Variants in EFCAB13 observed in about 807,000 individuals in gnomAD.
EFCAB13 encodes EF-hand calcium-binding domain-containing protein 13.
In EFCAB13, 91 loss-of-function variants were observed where a neutral mutation model predicts 110.2. That is an observed-to-expected ratio of 0.83 (90% CI 0.70 to 0.98). The LOEUF is 0.98. Ranked by LOEUF, EFCAB13 falls within the 50% of genes least tolerant of loss-of-function variation. The pLI is 0.00. For synonymous variants in EFCAB13, 323 were observed against 369.9 expected (o/e 0.87, Z 1.45); for missense variants, 968 against 1,119.4 (o/e 0.86, Z 1.93).
In EFCAB13 at chr17:47,389,822, A is replaced by G. The variant is rs550446884; in HGVS notation, c.1583-1615A>G. ...GCAAATGATTTTCCATTTTATCTCA[A>G]ATTTGCTTAAGGTGACTTGCTGTTT... On this transcript the variant is annotated intron_variant, in intron 14 of 24. Coordinates refer to ENST00000331493, the MANE Select transcript of EFCAB13 (RefSeq NM_152347.5). Among the ~76,000 whole-genome samples the G allele has an allele frequency of 5.3e-5, 8 of 152,198 alleles. No individual in the cohort carries two copies. In the East Asian group the frequency reaches 7.7e-4, roughly 15 times the overall value.
At chr17:47,347,548 C>T (rs550724363) in intron 8 of EFCAB13, among the ~76,000 whole-genome samples, 1 of 152,202 alleles carries the variant, frequency 6.6e-6, no homozygotes, top group African/African-American at 2.4e-5. Context: ...TTTACCATTC[C>T]TAGGGCAAGT....
chr17:47,435,079 A>T (rs780512410), intron 24 of EFCAB13, among the ~76,000 whole-genome samples: 1 of 152,130 alleles, frequency 6.6e-6, no homozygotes, highest in Non-Finnish European at 1.5e-5. Context: ...AAGCAAAAGA[A>T]ATAATCAGCA....
chr17:47,392,123 A>G (rs927461061), intron 15 of EFCAB13, among the ~76,000 whole-genome samples: 1 of 152,204 alleles, frequency 6.6e-6, no homozygotes, highest in African/African-American at 2.4e-5. Flanking sequence ...TAGAGATAGT[A>G]TATGAACATA....
In EFCAB13 at chr17:47,411,792, G is replaced by A. The variant is rs2065836700; in HGVS notation, c.2279-981G>A. On this transcript the variant is annotated intron_variant, in intron 21 of 24. Coordinates refer to ENST00000331493, the MANE Select transcript of EFCAB13 (RefSeq NM_152347.5). Reference sequence around the variant, plus strand: ...TTGAGGGAGAAATTGATTGAGAAATGGTACAGATGAAAAATTAGGCTGGGT... The same window carrying A: ...TTGAGGGAGAAATTGATTGAGAAATAGTACAGATGAAAAATTAGGCTGGGT... Among the ~76,000 whole-genome samples, 6 of 152,264 alleles carry A rather than the reference G, an allele frequency of 3.9e-5. No individual in the cohort carries two copies. In the East Asian group the frequency reaches 1.2e-3, roughly 29 times the overall value.
At chr17:47,413,392 G>A (rs1904322094) in intron 22 of EFCAB13, among the ~76,000 whole-genome samples, 2 of 152,132 alleles carry the variant, frequency 1.3e-5, no homozygotes, top group African/African-American at 2.4e-5. Context: ...TTGACTTCAT[G>A]TAATATGTAC....
chr17:47,345,014 A>T lies in EFCAB13; in HGVS notation c.435-2A>T. 6.3e-7 allele frequency: 1 copy of T among 1,599,368 alleles called. No homozygotes were observed. Among genetic ancestry groups the T allele is most frequent in the Non-Finnish European group, 8.5e-7 (1 of 1,173,664 alleles). ...TTTCTAATATGGCTGTTTCTTTGAC[A>T]GGGAAAAGGAAATGCTGTCTAACCT... On this transcript the variant is annotated splice_acceptor_variant, in intron 7 of 24. Coordinates refer to ENST00000331493, the MANE Select transcript of EFCAB13 (RefSeq NM_152347.5). LOFTEE classifies it high-confidence loss of function.
At chr17:47,341,152 T>C (rs1386575394) in intron 5 of EFCAB13, among the ~76,000 whole-genome samples, 1 of 151,996 alleles carries the variant, frequency 6.6e-6, no homozygotes, top group East Asian at 1.9e-4. Flanking sequence ...CTAGTAATAA[T>C]AATTATAATG....
At chr17:47,390,325 T>TACACACACACACAC (rs111830433) in intron 14 of EFCAB13, among the ~76,000 whole-genome samples, 8,488 of 150,108 alleles carry the variant, frequency 0.057, 327 homozygotes, top group Admixed American at 0.1. Flanking sequence ...GTTTTTTTCA[T>TACACACACACACAC]ACACACACAC....
chr17:47,384,855 C>T (rs745956061), intron 14 of EFCAB13, among the ~76,000 whole-genome samples: 11 of 151,938 alleles, frequency 7.2e-5, no homozygotes, highest in Admixed American at 2.0e-4. Context: ...CTGCAAGCTC[C>T]GCCTCCTGGG....
Position 47,367,291 on chromosome 17 carries a change from A to T in EFCAB13, c.806-3146A>T, listed in dbSNP as rs563039692. 2.6e-5 allele frequency among the ~76,000 whole-genome samples: 4 copies of T among 152,372 alleles called. No homozygotes were observed. The South Asian group carries it at 8.3e-4, about 32-fold the overall frequency. ...ATTTAAAGGCCTGCACCTGAAATAC[A>T]TAGTTTACCAATTTTCAGAGAATCA... On this transcript the variant is annotated intron_variant, in intron 10 of 24. Transcript: ENST00000331493.
intron 24 of EFCAB13, among the ~76,000 whole-genome samples, chr17:47,433,405 CAT>C (rs542489335): frequency 1.8e-3 from 278 of 152,054 alleles, no homozygotes; most frequent in African/African-American, 6.4e-3. Flanking sequence ...AGATGCAAGT[CAT>C]AAAGTTTAGC....
chr17:47,331,572 T>A (rs1337694813), intron 4 of EFCAB13, among the ~76,000 whole-genome samples: 1 of 152,160 alleles, frequency 6.6e-6, no homozygotes, highest in African/African-American at 2.4e-5. Flanking sequence ...GAACCAACAT[T>A]GGCACATCAT....
intron 17 of EFCAB13, among the ~76,000 whole-genome samples, chr17:47,396,214 A>G (rs2065737329): frequency 6.6e-6 from 1 of 152,140 alleles, no homozygotes; most frequent in South Asian, 2.1e-4. Flanking sequence ...TGCATTGAGT[A>G]CCTTCAAGTT....
At chr17:47,330,980 G>A (rs2065316808) in intron 4 of EFCAB13, among the ~76,000 whole-genome samples, 1 of 152,054 alleles carries the variant, frequency 6.6e-6, no homozygotes, top group Non-Finnish European at 1.5e-5. Flanking sequence ...GGGGTAAGGT[G>A]ATATCTTATT....
chr17:47,344,438 G>A, intron 7 of EFCAB13, 146 bp downstream of exon 7: 1 of 1,036,652 alleles, frequency 9.6e-7, no homozygotes, highest in South Asian at 1.9e-5. Context: ...TAAGAGCACT[G>A]TATATGGAAT....
rs767239841 is a variant in EFCAB13, at chr17:47,414,914, C to T, written c.2489C>T (p.Ser830Phe). The T allele has an allele frequency of 2.5e-6, 4 of 1,593,228 alleles. No homozygotes were observed. In the South Asian group the frequency reaches 3.3e-5, roughly 13 times the overall value. Residue 830 changes from serine to phenylalanine, a missense_variant, in exon 23 of 25, where the codon TCC becomes TTC. Ser to Phe is a radical substitution (Grantham distance 155). Coordinates refer to ENST00000331493, the MANE Select transcript of EFCAB13 (RefSeq NM_152347.5). ...AAAGAAAGTCCACATTTCCAAAAGTCCAAGGGTAAGTGAATACTTCTTGTT... is the reference window on the plus strand; with the variant it reads ...AAAGAAAGTCCACATTTCCAAAAGTTCAAGGGTAAGTGAATACTTCTTGTT... ...KMKESPHFQKSKATQILLATT... is the reference protein window; with the variant it reads ...KMKESPHFQKFKATQILLATT...
chr17:47,332,567 C>A (rs1205922748), intron 4 of EFCAB13, among the ~76,000 whole-genome samples: 1 of 151,706 alleles, frequency 6.6e-6, no homozygotes, highest in Non-Finnish European at 1.5e-5. Flanking sequence ...CTTCCTCCCC[C>A]AAACCTCTCC....
intron 10 of EFCAB13, among the ~76,000 whole-genome samples, chr17:47,362,055 TG>T (rs2065516875): frequency 6.6e-6 from 1 of 152,174 alleles, no homozygotes; most frequent in African/African-American, 2.4e-5. Flanking sequence ...TTGATTCATT[TG>T]TTTTATTATT....
At chr17:47,364,579 G>C (rs1016691996) in intron 10 of EFCAB13, among the ~76,000 whole-genome samples, 1 of 152,114 alleles carries the variant, frequency 6.6e-6, no homozygotes, top group African/African-American at 2.4e-5. Context: ...CCAAAGTGCT[G>C]GGATTACAGA....
Sources: allele counts gnomAD v4.1 joint callset (sites outside exome capture counted in the v4.1 genomes callset), GRCh38; gene constraint gnomAD v4.1.1; transcripts MANE v1.5; gene names NCBI Gene and HGNC (gene_info 2026-07-23, HGNC 2026-07-21).